The following MCC variants were observed in gnomAD, a reference collection of about 807,000 sequenced individuals.
MCC encodes the protein colorectal mutant cancer protein.
A neutral mutation model predicts 116.2 loss-of-function variants in MCC; 90 were observed. The ratio of observed to expected loss-of-function variants is 0.77; its 90% CI spans 0.65 to 0.92. The LOEUF (loss-of-function observed/expected upper bound fraction) is 0.92, where lower values mean the gene tolerates loss of function less well. MCC is among the 40% of genes least tolerant of loss of function. The pLI, the probability that MCC is intolerant of heterozygous loss-of-function variation, is 0.00. For missense variants in MCC, 1,516 were observed against 1,312.2 expected (o/e 1.16, Z -2.40); for synonymous variants, 578 against 510.5 (o/e 1.13, Z -1.78).
chr5:113,148,858 T>C (rs189776428), intron 4 of MCC, among the ~76,000 whole-genome samples: 29 of 152,304 alleles, frequency 1.9e-4, no homozygotes, highest in Admixed American at 1.6e-3. Context: ...AATGGTTCTA[T>C]GATGTGACCA....
At chr5:113,133,689 G>C (rs1758614834) in intron 5 of MCC, among the ~76,000 whole-genome samples, 1 of 152,052 alleles carries the variant, frequency 6.6e-6, no homozygotes, top group African/African-American at 2.4e-5. Flanking sequence ...TGAGTTTTTT[G>C]AGGAATTTTC....
intron 1 of MCC, among the ~76,000 whole-genome samples, chr5:113,406,380 T>C (rs973462511): frequency 2.0e-5 from 3 of 152,218 alleles, no homozygotes; most frequent in African/African-American, 7.2e-5. Flanking sequence ...ACTTATGCCA[T>C]CGAATAATAA....
intron 5 of MCC, among the ~76,000 whole-genome samples, chr5:113,141,577 C>T (rs1455325527): frequency 6.6e-6 from 1 of 152,174 alleles, no homozygotes; most frequent in Non-Finnish European, 1.5e-5. Flanking sequence ...CAAGGAGAGC[C>T]TTTGTCTCAT....
intron 16 of MCC, among the ~76,000 whole-genome samples, chr5:113,046,704 AAAAAAAAG>A (rs1467138579): frequency 2.3e-4 from 34 of 146,950 alleles, no homozygotes; most frequent in Middle Eastern, 3.4e-3. Flanking sequence ...AAAAAAAAAA[AAAAAAAAG>A]AGAGAGATTT....
intron 17 of MCC, among the ~76,000 whole-genome samples, chr5:113,039,710 C>CA (rs1561742340): frequency 3.5e-4 from 47 of 134,522 alleles, no homozygotes; most frequent in African/African-American, 8.4e-4. Flanking sequence ...TCCCACTCCG[C>CA]GCCCCCCCCC....
chr5:113,313,803 T>A (rs1360722311), intron 3 of MCC, among the ~76,000 whole-genome samples: 1 of 149,918 alleles, frequency 6.7e-6, no homozygotes, highest in East Asian at 2.0e-4. Context: ...TCTCTGTCTG[T>A]TTTTTGTTTT....
intron 3 of MCC, among the ~76,000 whole-genome samples, chr5:113,206,026 T>A (rs1762897830): frequency 1.3e-5 from 2 of 152,250 alleles, no homozygotes; most frequent in Admixed American, 6.5e-5. Context: ...TGCTGGCATC[T>A]GCAGTGAGCA....
intron 3 of MCC, chr5:113,294,516 A>T: frequency 6.6e-7 from 1 of 1,505,916 alleles, no homozygotes; most frequent in Non-Finnish European, 8.9e-7. Flanking sequence ...TTCACCCAGG[A>T]CAGTTGCGAA....
intron 5 of MCC, among the ~76,000 whole-genome samples, chr5:113,129,593 G>A (rs1453430686): frequency 6.6e-6 from 1 of 152,176 alleles, no homozygotes; most frequent in Non-Finnish European, 1.5e-5. Context: ...CTGGGAGGAA[G>A]AGAATATACA....
chr5:113,254,241 G>A (rs183506091), intron 3 of MCC, among the ~76,000 whole-genome samples: 74 of 152,220 alleles, frequency 4.9e-4, no homozygotes, highest in African/African-American at 1.4e-3. Flanking sequence ...GCATGAGGAC[G>A]GATAAGCAGA....
At chr5:113,148,640 A>G (rs969910922) in intron 4 of MCC, among the ~76,000 whole-genome samples, 6 of 152,234 alleles carry the variant, frequency 3.9e-5, no homozygotes, top group African/African-American at 1.4e-4. Flanking sequence ...ACCAAGGCAT[A>G]TAACACCAAA....
chr5:113,132,447 C>T (rs1279677761), intron 5 of MCC, among the ~76,000 whole-genome samples: 6,928 of 25,196 alleles, frequency 0.27, 831 homozygotes, highest in African/African-American at 0.41. Context: ...TATATATACA[C>T]ACACACACAC....
At chr5:113,029,554 T>A (rs190594039) in intron 17 of MCC, among the ~76,000 whole-genome samples, 209 of 152,246 alleles carry the variant, frequency 1.4e-3, no homozygotes, top group Non-Finnish European at 2.6e-3. Context: ...AGGGAGTAGA[T>A]ATGATACTCT....
chr5:113,236,828 G>A (rs750019168), intron 3 of MCC, among the ~76,000 whole-genome samples: 3 of 152,138 alleles, frequency 2.0e-5, no homozygotes, highest in Non-Finnish European at 2.9e-5. Context: ...GGGGACAGGC[G>A]GGGTGGCTAC....
chr5:113,079,423 G>T (rs1478968501), intron 11 of MCC, among the ~76,000 whole-genome samples: 1 of 152,218 alleles, frequency 6.6e-6, no homozygotes, highest in African/African-American at 2.4e-5. Context: ...CAAGGCCACA[G>T]TAACCAAAAC....
chr5:113,131,352 C>T lies in MCC; in HGVS notation c.885-8526G>A, dbSNP rs147613129. Among the ~76,000 whole-genome samples the T allele has an allele frequency of 1.4e-3, 214 of 152,150 alleles. 2 individuals are homozygous for T. The highest frequency in any genetic ancestry group is 2.5e-3 in the Non-Finnish European group (168 of 67,986). On this transcript the variant is annotated intron_variant, in intron 5 of 18. Transcript: ENST00000408903. ...AAGTCAGGTGAACATTTAAAAAAAG[C>T]CACCCATAACAGTTAAGAGAAAGAG... is the stretch of plus-strand genomic sequence containing the variant.
At chr5:113,323,362 G>C (rs541028740) in intron 3 of MCC, 1 of 152,254 alleles carries the variant, frequency 6.6e-6, no homozygotes, top group Non-Finnish European at 1.5e-5. Flanking sequence ...GAAGAGAGGT[G>C]GGTGAGAAGG....
intron 8 of MCC, among the ~76,000 whole-genome samples, chr5:113,090,631 A>T (rs569871862): frequency 4.6e-5 from 7 of 152,354 alleles, no homozygotes; most frequent in African/African-American, 1.7e-4. Context: ...GTATACAAAG[A>T]GAGGCAGCCA....
chr5:113,203,117 G>C (rs1045424017), intron 3 of MCC: 1 of 152,290 alleles, frequency 6.6e-6, no homozygotes, highest in African/African-American at 2.4e-5. Flanking sequence ...GGAATACAAG[G>C]GTTCCTGCAT....
Sources: allele counts gnomAD v4.1 joint callset (sites outside exome capture counted in the v4.1 genomes callset), GRCh38; gene constraint gnomAD v4.1.1; transcripts MANE v1.5; gene names NCBI Gene and HGNC (gene_info 2026-07-23, HGNC 2026-07-21).